Variants in SORCS1 observed in about 807,000 individuals in gnomAD.
The protein encoded by SORCS1 is sortilin related VPS10 domain containing receptor 1.
A neutral mutation model predicts 146.1 loss-of-function variants in SORCS1; 60 were observed. The observed-to-expected ratio is 0.41, with a 90% CI of 0.33 to 0.51. SORCS1 has a LOEUF of 0.51. SORCS1 is among the 20% of genes least tolerant of loss of function. The pLI is 0.21. For missense variants in SORCS1, 1,352 were observed against 1,487.6 expected (o/e 0.91, Z 1.50); for synonymous variants, 637 against 584.0 (o/e 1.09, Z -1.31).
rs1298082518 is a variant in SORCS1, at chr10:107,037,292, CA to C, written c.559-80713del. 4.6e-5 allele frequency among the ~76,000 whole-genome samples: 7 copies of C among 152,052 alleles called. No individual in the cohort carries two copies. The East Asian group carries it at 1.4e-3, about 29-fold the overall frequency. On this transcript the variant is annotated intron_variant, in intron 1 of 25. Transcript: ENST00000263054. ...AACCAAATATATGAAGTCAGTCTAC[CA>C]AAAAGCTCAGTGATGGTGAGATGCT...
At chr10:106,984,082 T>C (rs769211925) in intron 1 of SORCS1, among the ~76,000 whole-genome samples, 8 of 152,236 alleles carry the variant, frequency 5.3e-5, no homozygotes, top group African/African-American at 1.9e-4. Flanking sequence ...CAATACACGT[T>C]ATGTATCACA....
chr10:106,594,131 C>T (rs1040151360), intron 24 of SORCS1, among the ~76,000 whole-genome samples: 2 of 152,218 alleles, frequency 1.3e-5, no homozygotes, highest in African/African-American at 4.8e-5. Flanking sequence ...TCTGGCCAAG[C>T]CAGCTGGCCA....
At chr10:107,043,559 T>A (rs1002546081) in intron 1 of SORCS1, among the ~76,000 whole-genome samples, 1 of 152,182 alleles carries the variant, frequency 6.6e-6, no homozygotes, top group African/African-American at 2.4e-5. Context: ...TAACGAGTCT[T>A]GGTACTCATT....
chr10:106,865,682 C>T (rs563219543), intron 2 of SORCS1, among the ~76,000 whole-genome samples: 8 of 150,502 alleles, frequency 5.3e-5, no homozygotes, highest in African/African-American at 2.0e-4. Context: ...CAAGATTGTG[C>T]CATTTCACTC....
intron 2 of SORCS1, among the ~76,000 whole-genome samples, chr10:106,906,879 G>A (rs1008065651): frequency 4.6e-5 from 7 of 152,316 alleles, no homozygotes; most frequent in South Asian, 2.1e-4. Context: ...AAGGGGCTGA[G>A]TACTTGGTTG....
intron 24 of SORCS1, among the ~76,000 whole-genome samples, chr10:106,584,681 A>T (rs1589664345): frequency 6.6e-6 from 1 of 152,342 alleles, no homozygotes; most frequent in Middle Eastern, 3.4e-3. Flanking sequence ...CTAACTGATT[A>T]ATGAATCATT....
In SORCS1 at chr10:106,762,688, T is replaced by C. The variant is rs532263904; in HGVS notation, c.886-1027A>G. On this transcript the variant is annotated intron_variant, in intron 4 of 25. Transcript: ENST00000263054. The stretch of plus-strand genomic sequence containing the variant: ...CTGGGATTACAGGCGTGAGCCACCG[T>C]GCCCAGCCTATTATTCATTCTTTGG... Among the ~76,000 whole-genome samples, 23 of 152,170 alleles carry C rather than the reference T, an allele frequency of 1.5e-4. No homozygotes were observed. The South Asian group carries it at 2.9e-3, about 19-fold the overall frequency.
In SORCS1 at chr10:106,667,760, C is replaced by T. The variant is rs751133479; in HGVS notation, c.2232G>A (p.Pro744=). The change falls in exon 17 of 26, where the codon CCG becomes CCA. Residue 744 remains proline (P), a synonymous_variant. Coordinates refer to ENST00000263054, the MANE Select transcript of SORCS1 (RefSeq NM_052918.5). The part of the protein sequence containing the change: ...YERHSNGQCL[P]AFWFNPSSLS... ...GAGAGGATGGATTGAACCAAAATGC[C>T]GGCAGGCACTGGCCATTGCTGTGTC... is the stretch of plus-strand genomic sequence containing the variant. 31 of 1,613,952 alleles carry T rather than the reference C, an allele frequency of 1.9e-5. No homozygotes were observed. The highest frequency in any genetic ancestry group is 8.3e-5 in the Admixed American group (5 of 59,994).
At chr10:106,757,496 T>C (rs370192008) in intron 5 of SORCS1, among the ~76,000 whole-genome samples, 27 of 152,362 alleles carry the variant, frequency 1.8e-4, no homozygotes, top group African/African-American at 5.8e-4. Context: ...ATTGCTTTGA[T>C]TGACAACTTT....
chr10:106,996,944 C>A (rs1957028481), intron 1 of SORCS1, among the ~76,000 whole-genome samples: 1 of 151,966 alleles, frequency 6.6e-6, no homozygotes, highest in African/African-American at 2.4e-5. Context: ...ATATGGGACT[C>A]AATTTCCATT....
At chr10:106,578,897 T>C in intron 25 of SORCS1, 2 of 1,414,190 alleles carry the variant, frequency 1.4e-6, no homozygotes, top group Non-Finnish European at 1.8e-6. Context: ...AGAAAAAAAC[T>C]AGATAGAAGC....
chr10:106,710,439 A>AAG lies in SORCS1; in HGVS notation c.1025-1099_1025-1098insCT, dbSNP rs1659838785. Among the ~76,000 whole-genome samples the AAG allele has an allele frequency of 4.6e-5, 7 of 151,506 alleles. No homozygotes were observed. The South Asian group carries it at 1.3e-3, about 27-fold the overall frequency. On this transcript the variant is annotated intron_variant, in intron 6 of 25. Coordinates refer to ENST00000263054, the MANE Select transcript of SORCS1 (RefSeq NM_052918.5). ...CTCCAACCTGGGTGACAGGAAAAAA[A>AAG]AAAAAAAAAAGCAAAACCGAATTGG...
intron 2 of SORCS1, among the ~76,000 whole-genome samples, chr10:106,946,825 T>C (rs999563384): frequency 6.6e-6 from 1 of 152,218 alleles, no homozygotes; most frequent in Non-Finnish European, 1.5e-5. Context: ...TATTTACTTA[T>C]ATGCTTATTC....
At chr10:106,724,337 T>C (rs1209486672) in intron 6 of SORCS1, among the ~76,000 whole-genome samples, 1 of 151,910 alleles carries the variant, frequency 6.6e-6, no homozygotes, top group Non-Finnish European at 1.5e-5. Context: ...TGAAACCCCA[T>C]CTCTACTAAA....
intron 23 of SORCS1, among the ~76,000 whole-genome samples, chr10:106,605,535 T>C (rs1359821669): frequency 6.6e-6 from 1 of 152,212 alleles, no homozygotes; most frequent in African/African-American, 2.4e-5. Flanking sequence ...CTGCAAATGT[T>C]CCTATCTAAA....
chr10:107,047,065 C>T (rs934195021), intron 1 of SORCS1, among the ~76,000 whole-genome samples: 4 of 152,064 alleles, frequency 2.6e-5, no homozygotes, highest in Non-Finnish European at 5.9e-5. Flanking sequence ...CTCATCTCAC[C>T]GCAACCTCTG....
chr10:106,604,928 G>A (rs1846470365), intron 23 of SORCS1, among the ~76,000 whole-genome samples: 1 of 152,198 alleles, frequency 6.6e-6, no homozygotes, highest in Admixed American at 6.5e-5. Context: ...CATGAGATAA[G>A]TGTGACTTTG....
At chr10:106,584,997 A>G (rs1845137256) in intron 24 of SORCS1, among the ~76,000 whole-genome samples, 1 of 152,294 alleles carries the variant, frequency 6.6e-6, no homozygotes, top group South Asian at 2.1e-4. Context: ...TACCTGAATC[A>G]GAATTACTTG....
intron 2 of SORCS1, among the ~76,000 whole-genome samples, chr10:106,878,107 A>C (rs1289981524): frequency 2.0e-5 from 3 of 151,704 alleles, no homozygotes; most frequent in Non-Finnish European, 4.4e-5. Flanking sequence ...ACATGACTTC[A>C]GGTCTCTGTT....
Sources: allele counts gnomAD v4.1 joint callset (sites outside exome capture counted in the v4.1 genomes callset), GRCh38; gene constraint gnomAD v4.1.1; transcripts MANE v1.5; gene names NCBI Gene and HGNC (gene_info 2026-07-23, HGNC 2026-07-21).